Variants in CUX1 observed in about 807,000 individuals in gnomAD.
CUX1 encodes cut like homeobox 1, also known as protein CASP.
Under a neutral mutation model 158.8 loss-of-function variants are expected in CUX1, and 31 were observed. The observed-to-expected ratio is 0.20, with a 90% CI of 0.15 to 0.26. The LOEUF (loss-of-function observed/expected upper bound fraction) is 0.26, where lower values mean the gene tolerates loss of function less well. Ranked by LOEUF, CUX1 falls within the 10% of genes least tolerant of loss-of-function variation. CUX1 has a pLI of 1.00. For missense variants in CUX1, 1,589 were observed against 2,014.6 expected, an observed-to-expected ratio of 0.79 and a Z score of 4.04; for synonymous variants, 879 against 862.1, an observed-to-expected ratio of 1.02 and a Z score of -0.34.
At chr7:101,913,779 G>T (rs4729761) in intron 1 of CUX1, among the ~76,000 whole-genome samples, 15,746 of 152,230 alleles carry the variant, frequency 0.1, 1,043 homozygotes, top group South Asian at 0.17. Flanking sequence ...AAGCAGTCAT[G>T]TTCTTTTTGT....
At chr7:102,145,873 G>A (rs1438371475) in intron 8 of CUX1, among the ~76,000 whole-genome samples, 1 of 152,126 alleles carries the variant, frequency 6.6e-6, no homozygotes, top group African/African-American at 2.4e-5. Context: ...CTTGAACCTG[G>A]GAGGCAGAGG....
intron 8 of CUX1, among the ~76,000 whole-genome samples, chr7:102,135,930 C>T (rs1274943151): frequency 2.6e-5 from 4 of 151,510 alleles, no homozygotes; most frequent in Admixed American, 2.6e-4. Flanking sequence ...GCTGAGATCA[C>T]GCCACCACAC....
intron 3 of CUX1, 49 bp downstream of exon 3, chr7:102,028,194 T>C (rs780147486): frequency 7.0e-6 from 11 of 1,578,700 alleles, no homozygotes; most frequent in Admixed American, 6.7e-5. Context: ...TCGTGGCTAA[T>C]TGGTCTTTTT....
intron 3 of CUX1, among the ~76,000 whole-genome samples, chr7:102,063,340 C>G (rs1191576226): frequency 6.7e-6 from 1 of 149,538 alleles, no homozygotes; most frequent in Non-Finnish European, 1.5e-5. Flanking sequence ...AAAACAGATG[C>G]TTACTACACA....
chr7:102,218,688 A>C (rs1554525773), intron 20 of CUX1, among the ~76,000 whole-genome samples: 9 of 151,828 alleles, frequency 5.9e-5, no homozygotes, highest in Non-Finnish European at 4.4e-5. Flanking sequence ...ACCATGTCTC[A>C]AGAAAAAAAT....
At position 102,252,408 on chromosome 7, in the gene CUX1, T is replaced by A; in HGVS notation, c.*3366T>A. 1.0e-6 allele frequency: 1 copy of A among 985,486 alleles called. No individual in the cohort carries two copies. Among genetic ancestry groups the A allele is most frequent in the Non-Finnish European group, 1.2e-6 (1 of 829,950 alleles). The allele number at this position is 985,486 out of a possible 1,614,324, so 61.0% of individuals were successfully genotyped here. On this transcript the variant is annotated 3_prime_UTR_variant, in exon 24 of 24. Transcript: ENST00000292535. ...GCCGACCCCCTTCCTCTTCACGCTC[T>A]ATGAGTTTAAAAAGCTGATTTGTAC...
intron 11 of CUX1, among the ~76,000 whole-genome samples, chr7:102,180,417 A>G (rs1411728140): frequency 1.3e-5 from 2 of 151,058 alleles, no homozygotes; most frequent in Non-Finnish European, 2.9e-5. Context: ...CTCGGGCTCA[A>G]GCGATTCTCC....
intron 8 of CUX1, 110 bp from the exon 9 acceptor site, chr7:102,158,450 A>AG: frequency 1.0e-6 from 1 of 999,418 alleles, no homozygotes; most frequent in Non-Finnish European, 1.6e-6. Flanking sequence ...GCATTGACTC[A>AG]CGGGTCTGCA....
intron 10 of CUX1, among the ~76,000 whole-genome samples, chr7:102,171,159 T>C (rs1791675626): frequency 2.0e-5 from 3 of 152,138 alleles, no homozygotes; most frequent in African/African-American, 4.8e-5. Context: ...AGACTCTCTT[T>C]CAATGCTGTA....
intron 3 of CUX1, among the ~76,000 whole-genome samples, chr7:102,062,880 G>A (rs192802248): frequency 1.1e-4 from 16 of 152,224 alleles, no homozygotes; most frequent in East Asian, 3.9e-4. Flanking sequence ...CGAGGCGGGC[G>A]GATCACCTGA....
At chr7:101,997,294 T>C (rs1816060921) in intron 2 of CUX1, among the ~76,000 whole-genome samples, 1 of 152,262 alleles carries the variant, frequency 6.6e-6, no homozygotes, top group Admixed American at 6.5e-5. Context: ...CACGTCTCTA[T>C]GGACATTTCC....
chr7:102,230,831 C>T (rs1554530420), intron 21 of CUX1, among the ~76,000 whole-genome samples: 3 of 152,120 alleles, frequency 2.0e-5, no homozygotes, highest in Non-Finnish European at 4.4e-5. Context: ...TGCATCACTC[C>T]TGCCCACCTC....
In CUX1 at chr7:102,201,919, G is replaced by T; in HGVS notation, c.2622G>T (p.Ser874=). 1 of 1,614,022 alleles carries T rather than the reference G, an allele frequency of 6.2e-7. No individual in the cohort carries two copies. Among genetic ancestry groups the T allele is most frequent in the Non-Finnish European group, 8.5e-7 (1 of 1,180,028 alleles). ...AGCGCAGTCAGCTCCAGGGACCCTC[G>T]TCGTCAGAGTACTGGAAGGAGTGGC... ...RAERSQLQGP[S]SSEYWKEWPS... The change falls in exon 18 of 24, where the codon TCG becomes TCT. Residue 874 remains serine (S), a synonymous_variant. Transcript: ENST00000292535. This position sits in a 1 kb window ranked among gnomAD's most constrained non-coding sequence, Gnocchi z 5.0.
chr7:102,212,366 A>G (rs535193968), intron 20 of CUX1, among the ~76,000 whole-genome samples: 61 of 152,104 alleles, frequency 4.0e-4, no homozygotes, highest in Non-Finnish European at 7.7e-4. Context: ...CTGCAGTCCC[A>G]CCTTCCAGCA....
chr7:102,197,018 C>T lies in CUX1; in HGVS notation c.1607C>T (p.Pro536Leu). Residue 536 changes from proline (P) to leucine (L), a missense_variant, in exon 15 of 24, where the codon CCC becomes CTC. Pro to Leu is a moderately conservative substitution (Grantham distance 98). Transcript: ENST00000292535. ...SPDVNGMAPS[P>L]SQSESAGSVS... The stretch of plus-strand genomic sequence containing the variant: ...GATGTCAATGGCATGGCCCCATCCC[C>T]CAGCCAGTCAGAAAGTGCTGGGAGC... The T allele has an allele frequency of 6.2e-7, 1 of 1,614,216 alleles. No homozygotes were observed. Among genetic ancestry groups the T allele is most frequent in the Non-Finnish European group, 8.5e-7 (1 of 1,180,038 alleles).
rs782630722 is a variant in CUX1, at chr7:102,193,931, C to T, written c.1125+41C>T. The T allele has an allele frequency of 1.1e-5, 17 of 1,601,040 alleles. No homozygotes were observed. The South Asian group carries it at 1.1e-4, about 10-fold the overall frequency. Reference sequence around the variant, plus strand: ...CAATGGTCAGCACTAGCATCAGCCCCGCTGCTGGTTACCACTGGTCCCTCC... The same window carrying T: ...CAATGGTCAGCACTAGCATCAGCCCTGCTGCTGGTTACCACTGGTCCCTCC... On this transcript the variant is annotated intron_variant, in intron 13 of 23. Transcript: ENST00000292535.
Position 102,091,254 on chromosome 7 carries a change from C to T in CUX1, c.269-6110C>T, listed in dbSNP as rs1162527749. On this transcript the variant is annotated intron_variant, in intron 4 of 23. Coordinates refer to ENST00000292535, the MANE Select transcript of CUX1 (RefSeq NM_181552.4). ...AAAGTATCTGTCAAGCGGCATGTTA[C>T]TGATATGATAGCCATTTACCATCAC... Among the ~76,000 whole-genome samples, 5 of 152,174 alleles carry T rather than the reference C, an allele frequency of 3.3e-5. No individual in the cohort carries two copies. In the East Asian group the frequency reaches 9.6e-4, roughly 29 times the overall value.
intron 2 of CUX1, among the ~76,000 whole-genome samples, chr7:101,982,918 C>T (rs73185831): frequency 2.7e-5 from 4 of 146,528 alleles, no homozygotes; most frequent in Non-Finnish European, 6.0e-5. Flanking sequence ...TCTCCTTCCC[C>T]AACAGGGACA....
At chr7:102,275,229 C>T in intron 16 of CUX1, 1 of 1,579,986 alleles carries the variant, frequency 6.3e-7, no homozygotes, top group Non-Finnish European at 8.6e-7. Context: ...CCCCAAGCCA[C>T]CCTCCTCTAC....
Sources: allele counts gnomAD v4.1 joint callset (sites outside exome capture counted in the v4.1 genomes callset), GRCh38; gene constraint gnomAD v4.1.1; non-coding constraint Gnocchi (gnomAD v3.1); transcripts MANE v1.5; gene names NCBI Gene and HGNC (gene_info 2026-07-23, HGNC 2026-07-21).